The following SUSD1 variants were observed in gnomAD, a reference collection of about 807,000 sequenced individuals.
The protein encoded by SUSD1 is sushi domain-containing protein 1.
SUSD1 carries 65 observed loss-of-function variants against 86.9 expected under a neutral mutation model. The observed-to-expected ratio is 0.75, with a 90% CI of 0.61 to 0.92. The LOEUF (loss-of-function observed/expected upper bound fraction) is 0.92, where lower values mean the gene tolerates loss of function less well. SUSD1 is among the 40% of genes least tolerant of loss of function. The pLI is 0.00. For missense variants in SUSD1, 850 were observed against 929.7 expected (o/e 0.91, Z 1.11); for synonymous variants, 346 against 350.0 (o/e 0.99, Z 0.13).
chr9:112,123,276 G>A (rs1413136084), intron 6 of SUSD1, among the ~76,000 whole-genome samples: 2 of 152,148 alleles, frequency 1.3e-5, no homozygotes, highest in Non-Finnish European at 2.9e-5. Context: ...GAGGGAGCAG[G>A]CATGTCACAC....
Position 112,080,075 on chromosome 9 carries a change from A to G in SUSD1, c.1565T>C (p.Leu522Ser), listed in dbSNP as rs749451680. The stretch of plus-strand genomic sequence containing the variant: ...ATACAGTAACTTTCAGTCACTTACT[A>G]AATACATCTCCTCCATATCAGCTGT... ...IKTADMEEMY[L>S]FHIWGQRWYQ... The change falls in exon 11 of 17, where the codon TTA becomes TCA. Residue 522 changes from leucine (L) to serine (S), a missense_variant and splice_region_variant. Coordinates refer to ENST00000374270, the MANE Select transcript of SUSD1 (RefSeq NM_022486.5). 7.5e-6 allele frequency: 12 copies of G among 1,609,762 alleles called. No homozygotes were observed. Among genetic ancestry groups the G allele is most frequent in the African/African-American group, 1.3e-5 (1 of 74,862 alleles).
intron 11 of SUSD1, among the ~76,000 whole-genome samples, chr9:112,079,710 C>T (rs544702442): frequency 6.6e-6 from 1 of 151,690 alleles, no homozygotes; most frequent in South Asian, 2.1e-4. Flanking sequence ...TCAAGCTATT[C>T]TCCTGCCTCA....
At chr9:112,118,632 G>A (rs759380587) in intron 6 of SUSD1, among the ~76,000 whole-genome samples, 5 of 151,994 alleles carry the variant, frequency 3.3e-5, no homozygotes, top group African/African-American at 9.7e-5. Flanking sequence ...CTACAGACGC[G>A]TGCCACCACA....
intron 2 of SUSD1, among the ~76,000 whole-genome samples, chr9:112,152,831 T>C (rs1243878025): frequency 1.4e-5 from 2 of 144,344 alleles, no homozygotes; most frequent in Non-Finnish European, 1.5e-5. Flanking sequence ...CATAGCTCAC[T>C]GCAGCCTCAA....
intron 5 of SUSD1, among the ~76,000 whole-genome samples, chr9:112,140,163 C>A (rs1832497636): frequency 7.8e-6 from 1 of 127,780 alleles, no homozygotes; most frequent in Non-Finnish European, 1.6e-5. Flanking sequence ...GAGATCGAGA[C>A]CATCCTGGCT....
chr9:112,121,915 CT>C (rs1831571272), intron 6 of SUSD1, among the ~76,000 whole-genome samples: 1 of 152,168 alleles, frequency 6.6e-6, no homozygotes, highest in Non-Finnish European at 1.5e-5. Context: ...GAAGTACACG[CT>C]TCTGATTCAT....
chr9:112,082,191 C>G (rs141650278), intron 10 of SUSD1, among the ~76,000 whole-genome samples: 3 of 152,142 alleles, frequency 2.0e-5, no homozygotes, highest in East Asian at 3.8e-4. Context: ...AGAGACTCAA[C>G]TAATCAAACA....
At chr9:112,131,733 T>C (rs1832043534) in intron 5 of SUSD1, among the ~76,000 whole-genome samples, 1 of 152,208 alleles carries the variant, frequency 6.6e-6, no homozygotes, top group Non-Finnish European at 1.5e-5. Context: ...AAATAAGCAG[T>C]ACAAATTTGC....
chr9:112,096,009 T>C (rs770141339), intron 10 of SUSD1, among the ~76,000 whole-genome samples: 1 of 151,970 alleles, frequency 6.6e-6, no homozygotes, highest in Non-Finnish European at 1.5e-5. Flanking sequence ...TCAAGGAGAG[T>C]ACAGTGTCAA....
At position 112,078,608 on chromosome 9, in the gene SUSD1, G is replaced by A. The variant is rs1829623935; in HGVS notation, c.1683C>T (p.Asn561=). 1.2e-6 allele frequency: 2 copies of A among 1,614,056 alleles called. No individual in the cohort carries two copies. Among genetic ancestry groups the A allele is most frequent in the Non-Finnish European group, 8.5e-7 (1 of 1,179,946 alleles). The part of the protein sequence containing the change: ...EVCLDLRPGT[N]YNVSLRALSS... ...ACAGAGCCCGGAGACTGACATTGTA[G>A]TTGGTACCCGGACGTAGGTCCAAGC... is the stretch of plus-strand genomic sequence containing the variant. Residue 561 remains asparagine, a synonymous_variant, in exon 12 of 17, where the codon AAC becomes AAT. Transcript: ENST00000374270.
intron 14 of SUSD1, among the ~76,000 whole-genome samples, chr9:112,055,467 A>G (rs150752752): frequency 9.0e-4 from 137 of 152,266 alleles, no homozygotes; most frequent in African/African-American, 3.2e-3. Context: ...ACCCTACCTT[A>G]TAATAGGATG....
chr9:112,086,560 A>G (rs1042813625), intron 10 of SUSD1, among the ~76,000 whole-genome samples: 9 of 136,310 alleles, frequency 6.6e-5, no homozygotes, highest in East Asian at 4.0e-4. Flanking sequence ...GAAAGAAAGA[A>G]AGAGAGAGAG....
At chr9:112,159,418 A>G (rs984844746) in intron 1 of SUSD1, among the ~76,000 whole-genome samples, 1 of 152,234 alleles carries the variant, frequency 6.6e-6, no homozygotes, top group African/African-American at 2.4e-5. Flanking sequence ...AAAATAAAAG[A>G]CAACACAAAA....
chr9:112,146,305 C>T (rs1355916201), intron 3 of SUSD1: 1 of 152,176 alleles, frequency 6.6e-6, no homozygotes, highest in Non-Finnish European at 1.5e-5. Context: ...CATGAAAATG[C>T]TCCAAAATGA....
At chr9:112,054,679 T>TA (rs1420193138) in intron 14 of SUSD1, among the ~76,000 whole-genome samples, 1 of 151,900 alleles carries the variant, frequency 6.6e-6, no homozygotes, top group Non-Finnish European at 1.5e-5. Context: ...TAATATCATA[T>TA]AAAAAATTAA....
chr9:112,058,253 A>G (rs940224226), intron 14 of SUSD1, among the ~76,000 whole-genome samples, 175 bp downstream of exon 14: 1 of 152,226 alleles, frequency 6.6e-6, no homozygotes, highest in African/African-American at 2.4e-5. Context: ...CAGAATCCAT[A>G]TCATCTGTAA....
At position 112,078,811 on chromosome 9, in the gene SUSD1, C is replaced by T. The variant is rs796764272; in HGVS notation, c.1567-87G>A. The T allele has an allele frequency of 7.0e-3, 4,475 of 640,794 alleles. 148 individuals carry two copies. In the African/African-American group the frequency reaches 0.085, roughly 12 times the overall value. The allele number at this position is 640,794 out of a possible 1,614,324, so 39.7% of individuals were successfully genotyped here. On this transcript the variant is annotated intron_variant, in intron 11 of 16. Coordinates refer to ENST00000374270, the MANE Select transcript of SUSD1 (RefSeq NM_022486.5). The stretch of plus-strand genomic sequence containing the variant: ...ACCTCCCCTTTTCCTTTTTCTTTCT[C>T]TTTTTTTTTTTTTTTTTTTGAGATG...
At chr9:112,148,197 G>A (rs1021555793) in intron 3 of SUSD1, among the ~76,000 whole-genome samples, 1 of 152,198 alleles carries the variant, frequency 6.6e-6, no homozygotes, top group Non-Finnish European at 1.5e-5. Context: ...TTAGAACCAG[G>A]AGGCTTTTTC....
At chr9:112,112,908 A>C (rs756950053) in intron 6 of SUSD1, 40 bp from the exon 7 acceptor site, 6 of 1,325,050 alleles carry the variant, frequency 4.5e-6, no homozygotes, top group Non-Finnish European at 6.5e-6. Flanking sequence ...AAATGCATCA[A>C]TGGGCTTTAG....
Sources: allele counts gnomAD v4.1 joint callset (sites outside exome capture counted in the v4.1 genomes callset), GRCh38; gene constraint gnomAD v4.1.1; transcripts MANE v1.5; gene names NCBI Gene and HGNC (gene_info 2026-07-23, HGNC 2026-07-21).